Variants in CLDN18 observed in about 807,000 individuals in gnomAD.
The protein encoded by CLDN18 is claudin 18, also known as claudin-18.
CLDN18 carries 20 observed loss-of-function variants against 25.0 expected under a neutral mutation model. The observed-to-expected ratio is 0.80, with a 90% CI of 0.56 to 1.16. The LOEUF (loss-of-function observed/expected upper bound fraction) is 1.16, where lower values mean the gene tolerates loss of function less well. CLDN18 is among the 50% of genes most tolerant of loss of function. The pLI, the probability that CLDN18 is intolerant of heterozygous loss-of-function variation, is 0.00. For synonymous variants in CLDN18, 125 were observed against 135.6 expected (o/e 0.92, Z 0.54); for missense variants, 297 against 345.4 (o/e 0.86, Z 1.11).
In CLDN18 at chr3:138,010,254, C is replaced by T. The variant is rs1320406847; in HGVS notation, c.29C>T (p.Ala10Val). The T allele has an allele frequency of 1.2e-5, 19 of 1,613,702 alleles. No individual in the cohort carries two copies. Among genetic ancestry groups the T allele is most frequent in the Non-Finnish European group, 1.6e-5 (19 of 1,179,862 alleles). MSTTTCQVV[A>V]FLLSILGLAG... ...TCCACCACCACATGCCAAGTGGTGG[C>T]GTTCCTCCTGTCCATCCTGGGGCTG... is the stretch of plus-strand genomic sequence containing the variant. The change falls in exon 1 of 5, where the codon GCG becomes GTG. Residue 10 changes from alanine (A) to valine (V), a missense_variant. Ala to Val is a moderately conservative substitution (Grantham distance 64). Transcript: ENST00000183605.
chr3:138,005,320 C>G (rs1053369691), upstream of CLDN18, among the ~76,000 whole-genome samples: 4 of 151,926 alleles, frequency 2.6e-5, no homozygotes, highest in African/African-American at 9.7e-5. Flanking sequence ...TATACATGTG[C>G]CATAGTGGTT....
At chr3:137,999,955 C>T (rs1289791908) in intron 1 of CLDN18, among the ~76,000 whole-genome samples, 1 of 151,758 alleles carries the variant, frequency 6.6e-6, no homozygotes, top group Non-Finnish European at 1.5e-5. Flanking sequence ...TTCATAAATA[C>T]ATATTGAAGT....
intron 3 of CLDN18, among the ~76,000 whole-genome samples, chr3:138,024,981 ACT>A (rs1322940769): frequency 6.6e-6 from 1 of 151,992 alleles, no homozygotes; most frequent in East Asian, 1.9e-4. Context: ...TTTATCTAAC[ACT>A]CTTACATAAG....
Position 138,025,654 on chromosome 3 carries a change from T to A in CLDN18, c.503+930T>A, listed in dbSNP as rs78170064. Among the ~76,000 whole-genome samples the A allele has an allele frequency of 4.4e-3, 671 of 152,306 alleles. 12 individuals carry two copies. Among genetic ancestry groups the A allele is most frequent in the East Asian group, 0.027 (138 of 5,180 alleles). On this transcript the variant is annotated intron_variant, in intron 3 of 4. Coordinates refer to ENST00000183605, the MANE Select transcript of CLDN18 (RefSeq NM_016369.4). The stretch of plus-strand genomic sequence containing the variant: ...TGTAAAGGAAATGATCCCCAAAAAC[T>A]TCCCTGATCCTACTCATGGTCTCTT...
In CLDN18 at chr3:138,010,205, G is replaced by A. The variant is rs1253277057; in HGVS notation, c.-21G>A. ...GGAGGGCGGCAGCTTCTCGCAGGCGGCAGGGCGGGCGGCCAGGATCATGTC... is the reference window on the plus strand; with the variant it reads ...GGAGGGCGGCAGCTTCTCGCAGGCGACAGGGCGGGCGGCCAGGATCATGTC... On this transcript the variant is annotated 5_prime_UTR_variant, in exon 1 of 5. Transcript: ENST00000183605. 3 of 1,607,508 alleles carry A rather than the reference G, an allele frequency of 1.9e-6. No individual in the cohort carries two copies. The highest frequency in any genetic ancestry group is 1.3e-5 in the African/African-American group (1 of 74,916).
intron 1 of CLDN18, among the ~76,000 whole-genome samples, chr3:138,016,324 T>C (rs1262536658): frequency 6.6e-6 from 1 of 152,130 alleles, no homozygotes; most frequent in East Asian, 1.9e-4. Context: ...GCCTTTAGAA[T>C]TGAAGAGCTT....
chr3:138,016,041 T>C (rs1484269966), intron 1 of CLDN18, among the ~76,000 whole-genome samples: 1 of 152,234 alleles, frequency 6.6e-6, no homozygotes, highest in East Asian at 1.9e-4. Context: ...CAATACAGCA[T>C]GCAGTACTCT....
chr3:138,008,936 A>T (rs945610790), upstream of CLDN18, among the ~76,000 whole-genome samples: 3 of 152,198 alleles, frequency 2.0e-5, no homozygotes, highest in Admixed American at 6.5e-5. Flanking sequence ...AAAAATTTTT[A>T]AAAAGTCTCT....
At chr3:138,019,882 C>A (rs563803447) in intron 1 of CLDN18, among the ~76,000 whole-genome samples, 1 of 152,308 alleles carries the variant, frequency 6.6e-6, no homozygotes, top group Admixed American at 6.5e-5. Flanking sequence ...TCCTGCCCAC[C>A]CTTCAGGTCT....
intron 1 of CLDN18, among the ~76,000 whole-genome samples, chr3:138,002,826 T>G (rs557460565): frequency 3.6e-4 from 55 of 152,308 alleles, no homozygotes; most frequent in Non-Finnish European, 6.9e-4. Context: ...TGATTGGGTT[T>G]AGACAAAGTC....
intron 3 of CLDN18, among the ~76,000 whole-genome samples, chr3:138,027,889 A>C (rs1449214240): frequency 6.6e-6 from 1 of 152,186 alleles, no homozygotes; most frequent in Non-Finnish European, 1.5e-5. Flanking sequence ...AGGGCTCTTC[A>C]TGCCAAGGCA....
At chr3:138,002,134 A>C (rs1942025560) in intron 1 of CLDN18, among the ~76,000 whole-genome samples, 1 of 152,194 alleles carries the variant, frequency 6.6e-6, no homozygotes, top group Admixed American at 6.5e-5. Context: ...CCTCACACTT[A>C]GCCACCACCC....
chr3:138,002,635 T>C (rs1942030743), intron 1 of CLDN18, among the ~76,000 whole-genome samples: 1 of 152,232 alleles, frequency 6.6e-6, no homozygotes, highest in South Asian at 2.1e-4. Context: ...TATGGAATTT[T>C]TAAATTTCCA....
At chr3:138,017,151 C>T (rs1431819664) in intron 1 of CLDN18, among the ~76,000 whole-genome samples, 2 of 152,092 alleles carry the variant, frequency 1.3e-5, no homozygotes, top group African/African-American at 4.8e-5. Context: ...CTACATCACT[C>T]GGGGCTCTCA....
intron 1 of CLDN18, among the ~76,000 whole-genome samples, chr3:138,019,322 A>T (rs888187283): frequency 6.6e-6 from 1 of 152,162 alleles, no homozygotes; most frequent in African/African-American, 2.4e-5. Flanking sequence ...AGCCTCTCCC[A>T]TATTATTCTC....
intron 1 of CLDN18, among the ~76,000 whole-genome samples, chr3:138,000,566 T>G (rs1942005645): frequency 6.6e-6 from 1 of 152,142 alleles, no homozygotes; most frequent in Non-Finnish European, 1.5e-5. Flanking sequence ...TTTGGGATTG[T>G]GGTATTTCAA....
chr3:138,024,680 C>G lies in CLDN18; in HGVS notation c.459C>G (p.Asn153Lys). 2 of 1,613,562 alleles carry G rather than the reference C, an allele frequency of 1.2e-6. No homozygotes were observed. Among genetic ancestry groups the G allele is most frequent in the Non-Finnish European group, 1.7e-6 (2 of 1,179,482 alleles). ...LVTNFWMSTANMYTGMGGMVQ... is the reference protein window; with the variant it reads ...LVTNFWMSTAKMYTGMGGMVQ... ...CTAACTTCTGGATGTCCACAGCTAA[C>G]ATGTACACCGGCATGGGTGGGATGG... Residue 153 changes from asparagine (N) to lysine (K), a missense_variant, in exon 3 of 5, where the codon AAC (asparagine) becomes AAG (lysine). Physicochemically the swap from Asn to Lys is moderately conservative, Grantham distance 94. Transcript: ENST00000183605.
chr3:138,013,251 G>A (rs888819534), intron 1 of CLDN18, among the ~76,000 whole-genome samples: 1 of 152,176 alleles, frequency 6.6e-6, no homozygotes, highest in Non-Finnish European at 1.5e-5. Context: ...TCCTCCTCCT[G>A]CCTGGAACAG....
intron 4 of CLDN18, among the ~76,000 whole-genome samples, chr3:138,030,139 T>A (rs1017943732): frequency 1.3e-5 from 2 of 152,252 alleles, no homozygotes; most frequent in Admixed American, 1.3e-4. Flanking sequence ...TCCTTCTTTG[T>A]TCCTTCTGAG....
Sources: allele counts gnomAD v4.1 joint callset (sites outside exome capture counted in the v4.1 genomes callset), GRCh38; gene constraint gnomAD v4.1.1; transcripts MANE v1.5; gene names NCBI Gene and HGNC (gene_info 2026-07-23, HGNC 2026-07-21).